Variants in MSR1 observed in about 807,000 individuals in gnomAD.
MSR1 encodes macrophage scavenger receptor 1, also known as macrophage scavenger receptor types I and II.
Under a neutral mutation model 47.2 loss-of-function variants are expected in MSR1, and 53 were observed. The ratio of observed to expected loss-of-function variants is 1.12; its 90% CI spans 0.90 to 1.41. The LOEUF is 1.41. Among genes scored for constraint, MSR1 ranks in the 40% most tolerant of loss-of-function variants. The pLI, the probability that MSR1 is intolerant of heterozygous loss-of-function variation, is 0.00. For synonymous variants in MSR1, 239 were observed against 185.6 expected, an observed-to-expected ratio of 1.29 and a Z score of -2.34; for missense variants, 786 against 546.9, an observed-to-expected ratio of 1.44 and a Z score of -4.36.
chr8:16,143,556 A>T lies in MSR1; in HGVS notation c.1033+2T>A. The T allele has an allele frequency of 6.2e-7, 1 of 1,610,960 alleles. No individual in the cohort carries two copies. The highest frequency in any genetic ancestry group is 8.5e-7 in the Non-Finnish European group (1 of 1,177,538). On this transcript the variant is annotated splice_donor_variant, in intron 8 of 9. Transcript: ENST00000262101. LOFTEE classifies it high-confidence loss of function. ...ACAGAAAACAAAATACTATATACTT[A>T]CTTAATGTGTTTCCACTCCCCTTTT...
chr8:16,192,054 A>G (rs1802214025), intron 1 of MSR1, among the ~76,000 whole-genome samples: 2 of 152,166 alleles, frequency 1.3e-5, no homozygotes. Flanking sequence ...GTTTTAAATC[A>G]TAAGATTCCG....
chr8:16,186,668 C>G (rs756662031), intron 1 of MSR1, among the ~76,000 whole-genome samples: 74 of 150,490 alleles, frequency 4.9e-4, no homozygotes, highest in Middle Eastern at 6.8e-3. Context: ...AGGTCTTGCT[C>G]TCTTGCTCAG....
At chr8:16,135,073 T>C (rs1800358199) in intron 8 of MSR1, among the ~76,000 whole-genome samples, 1 of 152,158 alleles carries the variant, frequency 6.6e-6, no homozygotes, top group Non-Finnish European at 1.5e-5. Context: ...AGTGTGGATA[T>C]AGAAGCTTCA....
chr8:16,150,136 G>GTATATATATATATA (rs1337193490), intron 7 of MSR1, 95 bp downstream of exon 7: 13 of 190,168 alleles, frequency 6.8e-5, no homozygotes, highest in African/African-American at 5.2e-4. Context: ...GTATGTGTGT[G>GTATATATATATATA]TGTGTATATA....
chr8:16,190,536 T>C (rs1030691350), intron 1 of MSR1, among the ~76,000 whole-genome samples: 1 of 152,100 alleles, frequency 6.6e-6, no homozygotes, highest in Non-Finnish European at 1.5e-5. Flanking sequence ...ACATTGTTCT[T>C]CTTGGGTTAT....
Position 16,109,896 on chromosome 8 carries a change from A to T in MSR1, c.*189T>A. Reference sequence around the variant, plus strand: ...TTCCATTTAAAAACCTATAGAAGTTAAAATGATTTAAATATAGACATAAAA... The same window carrying T: ...TTCCATTTAAAAACCTATAGAAGTTTAAATGATTTAAATATAGACATAAAA... On this transcript the variant is annotated 3_prime_UTR_variant, in exon 10 of 10. Transcript: ENST00000262101. The T allele has an allele frequency of 1.5e-6, 1 of 667,732 alleles. No homozygotes were observed. The highest frequency in any genetic ancestry group is 2.5e-6 in the Non-Finnish European group (1 of 403,896). 41.4% of individuals were successfully genotyped at this position (667,732 alleles called of 1,614,324 possible). A position where few individuals can be genotyped will look rare whatever the true frequency, so the allele number is the denominator to read the frequency against.
At chr8:16,120,095 TG>T (rs1799962690) in intron 9 of MSR1, among the ~76,000 whole-genome samples, 1 of 151,826 alleles carries the variant, frequency 6.6e-6, no homozygotes, top group African/African-American at 2.4e-5. Context: ...CAAAATTTTC[TG>T]GCCAAGCGCG....
At chr8:16,184,969 A>C in intron 1 of MSR1, among the ~76,000 whole-genome samples, 1 of 147,120 alleles carries the variant, frequency 6.8e-6, no homozygotes, top group African/African-American at 2.6e-5. Context: ...TCTATAAAAT[A>C]CCCCTGACAG....
At chr8:16,130,579 T>A (rs1337535184) in intron 8 of MSR1, among the ~76,000 whole-genome samples, 12 of 152,110 alleles carry the variant, frequency 7.9e-5, no homozygotes, top group Non-Finnish European at 1.5e-4. Context: ...GATTATTTTG[T>A]CTTCGAGGTA....
chr8:16,152,917 G>A (rs542607485), intron 6 of MSR1, among the ~76,000 whole-genome samples: 1 of 152,056 alleles, frequency 6.6e-6, no homozygotes, highest in South Asian at 2.1e-4. Flanking sequence ...GTTTTTGAGT[G>A]AAAAGTGATA....
At chr8:16,186,311 T>G (rs1585201340) in intron 1 of MSR1, 1 of 936,804 alleles carries the variant, frequency 1.1e-6, no homozygotes, top group East Asian at 2.6e-5. Flanking sequence ...TCTCTCCTAT[T>G]TTCACTCCCT....
chr8:16,189,229 CTTATT>C (rs1445494216), intron 1 of MSR1, among the ~76,000 whole-genome samples: 1 of 118,622 alleles, frequency 8.4e-6, no homozygotes, highest in African/African-American at 3.7e-5. Flanking sequence ...TATGTAAAAT[CTTATT>C]TTATATATAT....
chr8:16,177,216 T>C (rs1335990461), intron 2 of MSR1, among the ~76,000 whole-genome samples: 4 of 152,124 alleles, frequency 2.6e-5, no homozygotes, highest in Non-Finnish European at 5.9e-5. Flanking sequence ...AGTAAGTTTA[T>C]TTGGAAATAG....
chr8:16,177,544 C>T (rs1000291871), intron 2 of MSR1, among the ~76,000 whole-genome samples: 1 of 151,822 alleles, frequency 6.6e-6, no homozygotes, highest in Admixed American at 6.6e-5. Context: ...TTAAGCCTCC[C>T]ATTTGTTACA....
At position 16,139,760 on chromosome 8, in the gene MSR1, AAAAAAAAAAAAAAAATATATATATAT is replaced by A. The variant is rs1393824770; in HGVS notation, c.1033+3772_1033+3797del. 10 of 160,734 alleles carry A rather than the reference AAAAAAAAAAAAAAAATATATATATAT, an allele frequency of 6.2e-5. No homozygotes were observed. The African/African-American group carries it at 6.4e-4, about 10-fold the overall frequency. The allele number at this position is 160,734 out of a possible 1,614,324, so 10.0% of individuals were successfully genotyped here. A position where few individuals can be genotyped will look rare whatever the true frequency, so the allele number is the denominator to read the frequency against. ...CACTTCAAAACTTAAAAAAAAAAAA[AAAAAAAAAAAAAAAATATATATATAT>A]ATATATATATATATATATATATATA... On this transcript the variant is annotated intron_variant, in intron 8 of 9. Transcript: ENST00000262101.
chr8:16,149,795 A>T (rs191368589), intron 7 of MSR1, among the ~76,000 whole-genome samples: 1 of 152,188 alleles, frequency 6.6e-6, no homozygotes, highest in African/African-American at 2.4e-5. Context: ...AAGTCTGGCC[A>T]GTTGTGGTTA....
At chr8:16,187,467 C>T (rs1210372889) in intron 1 of MSR1, among the ~76,000 whole-genome samples, 2 of 149,602 alleles carry the variant, frequency 1.3e-5, no homozygotes, top group Admixed American at 1.3e-4. Context: ...CCCCTTGGGG[C>T]TTTGTCTTCC....
chr8:16,121,989 G>C (rs956177866), intron 8 of MSR1, among the ~76,000 whole-genome samples: 1 of 151,852 alleles, frequency 6.6e-6, no homozygotes, highest in East Asian at 1.9e-4. Context: ...AAAGTTATTA[G>C]ATTACTGACA....
In MSR1 at chr8:16,162,063, C is replaced by T. The variant is rs181811895; in HGVS notation, c.817+2002G>A. Among the ~76,000 whole-genome samples the T allele has an allele frequency of 9.2e-5, 14 of 152,076 alleles. 1 individual carries two copies. The East Asian group carries it at 2.5e-3, about 27-fold the overall frequency. The stretch of plus-strand genomic sequence containing the variant: ...GAATGAAGCTGGTTATATTCCCAAA[C>T]TGATAGACATAAATCCACTAATATA... On this transcript the variant is annotated intron_variant, in intron 5 of 9. Coordinates refer to ENST00000262101, the MANE Select transcript of MSR1 (RefSeq NM_138715.3).
Sources: allele counts gnomAD v4.1 joint callset (sites outside exome capture counted in the v4.1 genomes callset), GRCh38; gene constraint gnomAD v4.1.1; transcripts MANE v1.5; gene names NCBI Gene and HGNC (gene_info 2026-07-23, HGNC 2026-07-21).